VPS13D: variants seen among roughly 807,000 people sequenced by gnomAD.
VPS13D encodes vacuolar protein sorting 13 homolog D.
In VPS13D, 187 loss-of-function variants were observed where a neutral mutation model predicts 461.9. The ratio of observed to expected loss-of-function variants is 0.40; its 90% CI spans 0.36 to 0.46. The LOEUF is 0.46. VPS13D is among the 20% of genes least tolerant of loss of function. The probability of loss-of-function intolerance (pLI) is 0.60; values close to 1 mark genes in which losing one functional copy is unlikely to be tolerated. For missense variants in VPS13D, 4,711 were observed against 5,364.9 expected (o/e 0.88, Z 3.81); for synonymous variants, 1,951 against 1,986.3 (o/e 0.98, Z 0.47).
At chr1:12,499,649 ATT>A (rs1302884506) in intron 68 of VPS13D, 3 of 985,346 alleles carry the variant, frequency 3.0e-6, no homozygotes, top group Non-Finnish European at 3.6e-6. Flanking sequence ...GCATGAATGA[ATT>A]TTGACTTTAA....
intron 27 of VPS13D, among the ~76,000 whole-genome samples, chr1:12,310,867 C>G (rs1446429953): frequency 7.8e-6 from 1 of 129,024 alleles, no homozygotes; most frequent in Non-Finnish European, 1.6e-5. Context: ...TTCCTTCCCT[C>G]CTTCCCTCCT....
chr1:12,239,120 C>A (rs887135127), intron 2 of VPS13D, among the ~76,000 whole-genome samples: 7 of 151,934 alleles, frequency 4.6e-5, no homozygotes, highest in Non-Finnish European at 8.8e-5. Context: ...ATGGAGGTAG[C>A]TTTTGAGTGG....
intron 67 of VPS13D, among the ~76,000 whole-genome samples, chr1:12,493,968 T>C (rs1200495110): frequency 2.0e-5 from 3 of 152,056 alleles, no homozygotes; most frequent in African/African-American, 7.2e-5. Context: ...AAAATTCCTT[T>C]AATCCAGCTT....
chr1:12,492,862 G>A lies in VPS13D; in HGVS notation c.12663-4638G>A, dbSNP rs572821171. 1.4e-3 allele frequency among the ~76,000 whole-genome samples: 219 copies of A among 152,268 alleles called. 1 individual carries two copies. Among genetic ancestry groups the A allele is most frequent in the Non-Finnish European group, 2.3e-3 (159 of 68,034 alleles). On this transcript the variant is annotated intron_variant, in intron 67 of 69. Transcript: ENST00000620676. ...ACCTGAATCTTAGCAATGTGACAGC[G>A]ACATCCTTTTTCAAAAGCCCAAAAC...
chr1:12,363,047 A>G (rs749724086), intron 51 of VPS13D, 25 bp from the exon 52 acceptor site: 1 of 1,612,090 alleles, frequency 6.2e-7, no homozygotes, highest in African/African-American at 1.3e-5. Flanking sequence ...TTGTTGACTA[A>G]AGCCTGTGAT....
At position 12,330,905 on chromosome 1, in the gene VPS13D, GGTTT is replaced by G. The variant is rs1270946920; in HGVS notation, c.8287+996_8287+999del. 4.6e-5 allele frequency among the ~76,000 whole-genome samples: 7 copies of G among 151,986 alleles called. No homozygotes were observed. In the South Asian group the frequency reaches 8.3e-4, roughly 18 times the overall value. Reference sequence around the variant, plus strand: ...CCTCAAGTCCCTTCACTCCCCACTGGGTTTGTTTGTTTTATTAGAATCTACTGAG... The same window carrying G: ...CCTCAAGTCCCTTCACTCCCCACTGGGTTTGTTTTATTAGAATCTACTGAG... On this transcript the variant is annotated intron_variant, in intron 37 of 69. Coordinates refer to ENST00000620676, the MANE Select transcript of VPS13D (RefSeq NM_015378.4).
chr1:12,467,244 T>C (rs889689764), intron 67 of VPS13D, among the ~76,000 whole-genome samples: 2 of 152,234 alleles, frequency 1.3e-5, no homozygotes, highest in African/African-American at 4.8e-5. Context: ...CAACCTCGGC[T>C]CACTGCATCC....
rs528214554 is a variant in VPS13D at position 12,288,263 on chromosome 1, A to T, written c.5675A>T (p.Glu1892Val). 1 of 1,614,140 alleles carries T rather than the reference A, an allele frequency of 6.2e-7. No individual in the cohort carries two copies. The highest frequency in any genetic ancestry group is 1.7e-5 in the Admixed American group (1 of 60,022). ...CTAGTGCTGAATAAGACCACCAGTG[A>T]GCTTGCCAAAGCAAATGTGTCCAAA... ...LSLVLNKTTS[E>V]LAKANVSKLV... The change falls in exon 22 of 70, where the codon GAG becomes GTG. Residue 1892 changes from glutamate (E) to valine (V), a missense_variant. Physicochemically the swap from Glu to Val is moderately radical, Grantham distance 121. Coordinates refer to ENST00000620676, the MANE Select transcript of VPS13D (RefSeq NM_015378.4).
intron 55 of VPS13D, among the ~76,000 whole-genome samples, chr1:12,377,793 C>T (rs1644220036): frequency 6.8e-6 from 1 of 146,180 alleles, no homozygotes; most frequent in Non-Finnish European, 1.5e-5. Context: ...TCACTCCAGC[C>T]TGGAGAACAG....
At position 12,242,589 on chromosome 1, in the gene VPS13D, T is replaced by C. The variant is rs914302511; in HGVS notation, c.174T>C (p.Ala58=). The C allele has an allele frequency of 6.2e-7, 1 of 1,613,850 alleles. No individual in the cohort carries two copies. The part of the protein sequence containing the change: ...KELELPFEVK[A]GFIGKVTLQI... ...TGGAATTACCATTTGAAGTCAAAGC[T>C]GGTATGTGGAACTAAAGGAGGGGGA... Residue 58 remains alanine (A), a splice_region_variant and synonymous_variant, in exon 3 of 70, where the codon GCT becomes GCC. Coordinates refer to ENST00000620676, the MANE Select transcript of VPS13D (RefSeq NM_015378.4).
chr1:12,354,047 CAG>C lies in VPS13D; in HGVS notation c.9507_9508del (p.Gln3169HisfsTer24). 2 of 1,614,154 alleles carry C rather than the reference CAG, an allele frequency of 1.2e-6. No homozygotes were observed. Among genetic ancestry groups the C allele is most frequent in the Admixed American group, 1.7e-5 (1 of 60,028 alleles). On this transcript the variant is annotated frameshift_variant, in exon 47 of 70. Coordinates refer to ENST00000620676, the MANE Select transcript of VPS13D (RefSeq NM_015378.4). LOFTEE classifies it high-confidence loss of function. ...AAACATATTTTCTGACAGTGCAAAA[CAG>C]ATTTTCAGACAGCCTGGGCATACCA... Reference protein sequence around the residue: ...PSNIFSDSAKQIFRQPGHTIY... With the variant: ...PSNIFSDSAKXIFRQPGHTIY...
At chr1:12,493,064 T>A (rs1645905129) in intron 67 of VPS13D, among the ~76,000 whole-genome samples, 2 of 144,460 alleles carry the variant, frequency 1.4e-5, no homozygotes, top group African/African-American at 5.4e-5. Context: ...CACGATTGAG[T>A]GATGGAGTTT....
chr1:12,413,668 T>TA (rs1167409980), intron 63 of VPS13D, among the ~76,000 whole-genome samples: 1 of 152,140 alleles, frequency 6.6e-6, no homozygotes, highest in Admixed American at 6.5e-5. Context: ...GACAAGGTCT[T>TA]ACTTCTTCAC....
Position 12,356,518 on chromosome 1 carries a change from C to G in VPS13D, c.9992C>G (p.Pro3331Arg), listed in dbSNP as rs1405920942. 6.2e-7 allele frequency: 1 copy of G among 1,612,802 alleles called. No homozygotes were observed. Among genetic ancestry groups the G allele is most frequent in the Non-Finnish European group, 8.5e-7 (1 of 1,179,678 alleles). ...LLFCYADKEQPNLCTMRIGRG... is the reference protein window; with the variant it reads ...LLFCYADKEQRNLCTMRIGRG... Reference sequence around the variant, plus strand: ...TTCTGCTATGCTGACAAAGAGCAGCCAAACCTGTGAGTACAGTTATTTATG... The same window carrying G: ...TTCTGCTATGCTGACAAAGAGCAGCGAAACCTGTGAGTACAGTTATTTATG... Residue 3331 changes from proline (P) to arginine (R), a missense_variant, in exon 49 of 70, where the codon CCA becomes CGA. By Grantham distance (103) the Pro-to-Arg change is moderately radical (BLOSUM62 -2). Transcript: ENST00000620676.
intron 54 of VPS13D, 140 bp downstream of exon 54, chr1:12,369,842 C>T: frequency 2.6e-6 from 2 of 776,198 alleles, no homozygotes; most frequent in South Asian, 3.8e-5. Flanking sequence ...GGCTCAGTGT[C>T]TATCTTAAGA....
intron 6 of VPS13D, 149 bp downstream of exon 6, chr1:12,249,488 A>G: frequency 1.9e-6 from 1 of 539,558 alleles, no homozygotes. Flanking sequence ...GTGTATTTGC[A>G]ACAAATCAAA....
At chr1:12,444,567 T>A (rs1645170266) in intron 65 of VPS13D, among the ~76,000 whole-genome samples, 1 of 152,200 alleles carries the variant, frequency 6.6e-6, no homozygotes, top group South Asian at 2.1e-4. Flanking sequence ...TTCTGTATTT[T>A]CACCCCCTTG....
chr1:12,377,352 G>A (rs1049133759), intron 55 of VPS13D, among the ~76,000 whole-genome samples: 2 of 151,662 alleles, frequency 1.3e-5, no homozygotes, highest in East Asian at 3.9e-4. Context: ...GAGCCACCAC[G>A]CCCGGCCTAA....
intron 60 of VPS13D, 23 bp from the exon 61 acceptor site, chr1:12,400,158 T>TTG (rs1253368253): frequency 2.5e-6 from 4 of 1,608,554 alleles, no homozygotes; most frequent in Non-Finnish European, 3.4e-6. Flanking sequence ...TGTTTTTGCT[T>TTG]TGCTACCTTT....
Sources: allele counts gnomAD v4.1 joint callset (sites outside exome capture counted in the v4.1 genomes callset), GRCh38; gene constraint gnomAD v4.1.1; transcripts MANE v1.5; gene names NCBI Gene and HGNC (gene_info 2026-07-23, HGNC 2026-07-21).